Variants in VEZT observed in about 807,000 individuals in gnomAD.
VEZT encodes vezatin, adherens junctions transmembrane protein.
A neutral mutation model predicts 79.9 loss-of-function variants in VEZT; 39 were observed. That is an observed-to-expected ratio of 0.49 (90% CI 0.38 to 0.64). VEZT has a LOEUF of 0.64. Ranked by LOEUF, VEZT falls within the 30% of genes least tolerant of loss-of-function variation. The probability of loss-of-function intolerance (pLI) is 0.00; values close to 1 mark genes in which losing one functional copy is unlikely to be tolerated. For missense variants in VEZT, 837 were observed against 893.1 expected (o/e 0.94, Z 0.80); for synonymous variants, 325 against 327.6 (o/e 0.99, Z 0.09).
chr12:95,224,264 T>C (rs2058080545), intron 1 of VEZT: 1 of 455,774 alleles, frequency 2.2e-6, no homozygotes, highest in Non-Finnish European at 4.4e-6. Context: ...CTGAATTCTT[T>C]CCCTCTACGG....
At chr12:95,273,415 G>A (rs1024240598) in intron 6 of VEZT, among the ~76,000 whole-genome samples, 28 of 152,266 alleles carry the variant, frequency 1.8e-4, no homozygotes, top group African/African-American at 6.3e-4. Context: ...TCTTATGTAT[G>A]TATGCATAAA....
At chr12:95,256,122 G>A (rs1454470443) in intron 2 of VEZT, among the ~76,000 whole-genome samples, 1 of 151,928 alleles carries the variant, frequency 6.6e-6, no homozygotes, top group African/African-American at 2.4e-5. Context: ...CGCGATCTCG[G>A]CTCACCACAA....
intron 1 of VEZT, among the ~76,000 whole-genome samples, chr12:95,219,570 G>A (rs1380930350): frequency 6.6e-6 from 1 of 151,956 alleles, no homozygotes; most frequent in Non-Finnish European, 1.5e-5. Context: ...ATCCCCTCAC[G>A]TGTATCATAA....
intron 2 of VEZT, 76 bp downstream of exon 2, chr12:95,252,147 C>T (rs368375304): frequency 6.8e-7 from 1 of 1,469,828 alleles, no homozygotes; most frequent in African/African-American, 1.4e-5. Context: ...ACTTCTTAAG[C>T]ACTTCCATAT....
Position 95,238,598 on chromosome 12 carries a change from C to A in VEZT, c.37-13342C>A, listed in dbSNP as rs536188104. The stretch of plus-strand genomic sequence containing the variant: ...TACATTCAGTAGGCTACTTTCCTGA[C>A]CTCCAGACATTTTAGGTCTAAGCCA... On this transcript the variant is annotated intron_variant, in intron 1 of 11. Transcript: ENST00000436874. 8.5e-5 allele frequency among the ~76,000 whole-genome samples: 13 copies of A among 152,244 alleles called. No individual in the cohort carries two copies. The South Asian group carries it at 2.5e-3, about 29-fold the overall frequency.
chr12:95,286,254 A>C, intron 8 of VEZT: 1 of 290,048 alleles, frequency 3.4e-6, no homozygotes, highest in Non-Finnish European at 6.6e-6. Flanking sequence ...GGCCTCCCAA[A>C]GTGCTGGGAT....
rs1160274565 is a variant in VEZT at position 95,300,736 on chromosome 12, AC to A, written c.*64del. 3 of 1,471,480 alleles carry A rather than the reference AC, an allele frequency of 2.0e-6. No individual in the cohort carries two copies. In the African/African-American group the frequency reaches 4.2e-5, roughly 21 times the overall value. The allele number at this position is 1,471,480 out of a possible 1,614,324, so 91.2% of individuals were successfully genotyped here. A position where few individuals can be genotyped will look rare whatever the true frequency, so the allele number is the denominator to read the frequency against. ...TTTTACAAAAGTGTTTAGCTTCAAG[AC>A]TGGAAAGGGAATATGAGTGTAAGTT... is the stretch of plus-strand genomic sequence containing the variant. On this transcript the variant is annotated 3_prime_UTR_variant, in exon 12 of 12. Coordinates refer to ENST00000436874, the MANE Select transcript of VEZT (RefSeq NM_017599.4).
chr12:95,263,196 A>G, intron 4 of VEZT, 115 bp downstream of exon 4: 1 of 971,100 alleles, frequency 1.0e-6, no homozygotes, highest in Non-Finnish European at 1.4e-6. Context: ...ATTTAGCAGT[A>G]CAATTAAAGT....
intron 1 of VEZT, among the ~76,000 whole-genome samples, chr12:95,232,930 T>G (rs2059473019): frequency 6.6e-6 from 1 of 152,022 alleles, no homozygotes; most frequent in Non-Finnish European, 1.5e-5. Flanking sequence ...CTCAGCCTCC[T>G]GAGTTGCTAA....
Position 95,235,280 on chromosome 12 carries a change from C to T in VEZT, c.37-16660C>T, listed in dbSNP as rs1313613791. Among the ~76,000 whole-genome samples the T allele has an allele frequency of 1.4e-4, 14 of 103,372 alleles. 2 individuals carry two copies. The highest frequency in any genetic ancestry group is 4.0e-4 in the African/African-American group (11 of 27,484). The allele number at this position is 103,372 out of a possible 152,430, so 67.8% of individuals were successfully genotyped here. A position where few individuals can be genotyped will look rare whatever the true frequency, so the allele number is the denominator to read the frequency against. The stretch of plus-strand genomic sequence containing the variant: ...CTCCCGGACAGGGCGGCTGGCCGGG[C>T]GGGGGCTGACCCCCACCCACCTCCC... On this transcript the variant is annotated intron_variant, in intron 1 of 11. Transcript: ENST00000436874.
chr12:95,245,526 A>G, intron 1 of VEZT: 1 of 456,750 alleles, frequency 2.2e-6, no homozygotes, highest in Non-Finnish European at 4.4e-6. Flanking sequence ...CTGTGCCTAC[A>G]TGTTGCCTGA....
intron 8 of VEZT, 65 bp from the exon 9 acceptor site, chr12:95,287,599 T>C (rs1394576160): frequency 2.2e-6 from 3 of 1,352,594 alleles, no homozygotes; most frequent in Non-Finnish European, 2.9e-6. Flanking sequence ...AAAATAAGCC[T>C]CGTAAATTAT....
Position 95,300,392 on chromosome 12 carries a change from GAAGA to G in VEZT, c.2065_2068del (p.Arg689CysfsTer18), listed in dbSNP as rs1566367981. ...AAATGAAGTCTTCCCCCAAGGAGCA[GAAGA>G]AAGAATGTGTTACCAATGTGAGAGT... On this transcript the variant is annotated frameshift_variant, in exon 12 of 12. Transcript: ENST00000436874. LOFTEE classifies it low-confidence loss of function (END_TRUNC). The G allele has an allele frequency of 4.3e-6, 7 of 1,613,850 alleles. No individual in the cohort carries two copies. Among genetic ancestry groups the G allele is most frequent in the Admixed American group, 3.3e-5 (2 of 60,002 alleles).
At chr12:95,282,723 T>C (rs2069499229) in intron 8 of VEZT, 79 bp downstream of exon 8, 2 of 1,272,040 alleles carry the variant, frequency 1.6e-6, no homozygotes, top group African/African-American at 1.5e-5. Context: ...TGTTGGCTTG[T>C]GTCCTACCTA....
chr12:95,231,778 C>T (rs754347081), intron 1 of VEZT, among the ~76,000 whole-genome samples: 21 of 151,852 alleles, frequency 1.4e-4, no homozygotes, highest in Non-Finnish European at 2.6e-4. Context: ...GATAAAGGCA[C>T]GAAGTAGTTA....
chr12:95,225,338 A>C (rs1424323366), intron 1 of VEZT, among the ~76,000 whole-genome samples: 2 of 152,108 alleles, frequency 1.3e-5, no homozygotes, highest in Admixed American at 1.3e-4. Context: ...GCGGATCACC[A>C]GGTCAGGAGA....
intron 1 of VEZT, among the ~76,000 whole-genome samples, chr12:95,232,182 T>A (rs896880737): frequency 3.3e-5 from 5 of 152,226 alleles, no homozygotes; most frequent in African/African-American, 1.2e-4. Context: ...AAGGTTTTTT[T>A]AAATGCTTTA....
At chr12:95,236,349 T>G (rs1364769129) in intron 1 of VEZT, among the ~76,000 whole-genome samples, 1 of 151,456 alleles carries the variant, frequency 6.6e-6, no homozygotes, top group South Asian at 2.1e-4. Flanking sequence ...GGCAGGGAGG[T>G]TGCAGTGAGC....
At chr12:95,273,363 A>T (rs1337261723) in intron 6 of VEZT, among the ~76,000 whole-genome samples, 1 of 152,232 alleles carries the variant, frequency 6.6e-6, no homozygotes, top group Non-Finnish European at 1.5e-5. Context: ...GCATGCATAT[A>T]TACCTACGTA....
Sources: allele counts gnomAD v4.1 joint callset (sites outside exome capture counted in the v4.1 genomes callset), GRCh38; gene constraint gnomAD v4.1.1; transcripts MANE v1.5; gene names NCBI Gene and HGNC (gene_info 2026-07-23, HGNC 2026-07-21).